Variants in PTGFR observed in about 807,000 individuals in gnomAD.
The protein encoded by PTGFR is prostaglandin F2-alpha receptor.
A neutral mutation model predicts 26.2 loss-of-function variants in PTGFR; 15 were observed. The ratio of observed to expected loss-of-function variants is 0.57; its 90% CI spans 0.38 to 0.88. The LOEUF (loss-of-function observed/expected upper bound fraction) is 0.88. PTGFR is among the 40% of genes least tolerant of loss of function. PTGFR has a pLI of 0.00. For missense variants in PTGFR, 369 were observed against 427.2 expected, an observed-to-expected ratio of 0.86 and a Z score of 1.20; for synonymous variants, 165 against 151.1, an observed-to-expected ratio of 1.09 and a Z score of -0.68.
rs1437572097 is a variant in PTGFR at position 78,540,555 on chromosome 1, A to G, written c.*3868A>G. On this transcript the variant is annotated 3_prime_UTR_variant, in exon 3 of 3. Coordinates refer to ENST00000370757, the MANE Select transcript of PTGFR (RefSeq NM_000959.4). Reference sequence around the variant, plus strand: ...ATAAATGAACTAAAAGAAATTTTAGATGACTAAAAGGACTATATAATAGAA... The same window carrying G: ...ATAAATGAACTAAAAGAAATTTTAGGTGACTAAAAGGACTATATAATAGAA... Among the ~76,000 whole-genome samples the G allele has an allele frequency of 6.6e-6, 1 of 152,168 alleles. No homozygotes were observed. Among genetic ancestry groups the G allele is most frequent in the African/African-American group, 2.4e-5 (1 of 41,464 alleles).
At chr1:78,506,222 T>C (rs762644173) in intron 2 of PTGFR, among the ~76,000 whole-genome samples, 5 of 152,014 alleles carry the variant, frequency 3.3e-5, no homozygotes, top group Non-Finnish European at 5.9e-5. Context: ...TTTATATTTA[T>C]ATTTTATTAT....
At chr1:78,514,998 G>C (rs59024670) in intron 2 of PTGFR, among the ~76,000 whole-genome samples, 2 of 152,004 alleles carry the variant, frequency 1.3e-5, no homozygotes, top group Non-Finnish European at 2.9e-5. Flanking sequence ...CCTGCAAAAC[G>C]GTGAGCCAAC....
intron 2 of PTGFR, among the ~76,000 whole-genome samples, chr1:78,519,704 T>C (rs766728448): frequency 4.5e-4 from 68 of 152,260 alleles, no homozygotes; most frequent in Non-Finnish European, 8.2e-4. Flanking sequence ...TGTGAACAAG[T>C]GCCCATGGCC....
In PTGFR at chr1:78,538,956, C is replaced by A. The variant is rs1264915907; in HGVS notation, c.*2269C>A. Reference sequence around the variant, plus strand: ...TTTCTCGGTAATTATATATTCTGGGCAAATAACATAAACATGTCAGGATTT... The same window carrying A: ...TTTCTCGGTAATTATATATTCTGGGAAAATAACATAAACATGTCAGGATTT... On this transcript the variant is annotated 3_prime_UTR_variant, in exon 3 of 3. Coordinates refer to ENST00000370757, the MANE Select transcript of PTGFR (RefSeq NM_000959.4). 1.3e-5 allele frequency: 2 copies of A among 151,746 alleles called. No individual in the cohort carries two copies. Among genetic ancestry groups the A allele is most frequent in the Non-Finnish European group, 2.9e-5 (2 of 67,908 alleles). The allele number at this position is 151,746 out of a possible 1,614,324, so 9.4% of individuals were successfully genotyped here.
At position 78,526,714 on chromosome 1, in the gene PTGFR, C is replaced by G. The variant is rs144967944; in HGVS notation, c.799-9692C>G. Among the ~76,000 whole-genome samples, 568 of 152,124 alleles carry G rather than the reference C, an allele frequency of 3.7e-3. 5 individuals are homozygous for G. The highest frequency in any genetic ancestry group is 0.012 in the African/African-American group (518 of 41,514). ...GAGCAATCCTTAGTCAGTGGCATGA[C>G]AAGGAAATACTCAAGACAGACACTG... On this transcript the variant is annotated intron_variant, in intron 2 of 2. Coordinates refer to ENST00000370757, the MANE Select transcript of PTGFR (RefSeq NM_000959.4).
chr1:78,508,187 T>A (rs1649871579), intron 2 of PTGFR, among the ~76,000 whole-genome samples: 1 of 152,216 alleles, frequency 6.6e-6, no homozygotes, highest in African/African-American at 2.4e-5. Flanking sequence ...ATGAAATGCT[T>A]ATTACAAATA....
chr1:78,523,414 T>C (rs1650293747), intron 2 of PTGFR, among the ~76,000 whole-genome samples: 1 of 152,028 alleles, frequency 6.6e-6, no homozygotes. Context: ...GAGTCACAGG[T>C]AGTCAGTATG....
chr1:78,498,294 G>A (rs1267732636), intron 2 of PTGFR, among the ~76,000 whole-genome samples: 1 of 152,124 alleles, frequency 6.6e-6, no homozygotes, highest in Non-Finnish European at 1.5e-5. Context: ...TGTGTCTTGA[G>A]CACTTGCCTC....
intron 2 of PTGFR, among the ~76,000 whole-genome samples, chr1:78,527,116 A>C (rs1650391947): frequency 6.6e-6 from 1 of 152,130 alleles, no homozygotes; most frequent in Non-Finnish European, 1.5e-5. Flanking sequence ...GGTAAGATGA[A>C]ATGCTTCTTA....
rs536571801 is a variant in PTGFR at position 78,516,327 on chromosome 1, C to T, written c.799-20079C>T. On this transcript the variant is annotated intron_variant, in intron 2 of 2. Transcript: ENST00000370757. ...TGAACAGTTGCACAACATTACTGGC[C>T]ATATATTATATTTGAAATTTTAGTT... Among the ~76,000 whole-genome samples, 24 of 152,180 alleles carry T rather than the reference C, an allele frequency of 1.6e-4. No homozygotes were observed. The East Asian group carries it at 4.4e-3, about 28-fold the overall frequency.
rs1650689938 is a variant in PTGFR, at chr1:78,537,628, T to C, written c.*941T>C. On this transcript the variant is annotated 3_prime_UTR_variant, in exon 3 of 3. Coordinates refer to ENST00000370757, the MANE Select transcript of PTGFR (RefSeq NM_000959.4). ...AAAGAAACAGAATCAATATATAAAA[T>C]TCAAAGACTATCTGCAGCTAGTGTG... is the stretch of plus-strand genomic sequence containing the variant. 1 of 152,144 alleles carries C rather than the reference T, an allele frequency of 6.6e-6. No homozygotes were observed. Among genetic ancestry groups the C allele is most frequent in the South Asian group, 2.1e-4 (1 of 4,834 alleles). The allele number at this position is 152,144 out of a possible 1,614,324, so 9.4% of individuals were successfully genotyped here.
intron 1 of PTGFR, among the ~76,000 whole-genome samples, chr1:78,491,577 G>C (rs954049514): frequency 2.0e-5 from 3 of 152,246 alleles, no homozygotes; most frequent in Non-Finnish European, 4.4e-5. Flanking sequence ...CCGGGATGAG[G>C]GAGAAAACAG....
chr1:78,502,212 T>C (rs1401507485), intron 2 of PTGFR, among the ~76,000 whole-genome samples: 1 of 152,092 alleles, frequency 6.6e-6, no homozygotes, highest in Non-Finnish European at 1.5e-5. Flanking sequence ...TAGATCAGAG[T>C]TGTGAGTGGT....
chr1:78,500,621 C>A (rs1649679393), intron 2 of PTGFR, among the ~76,000 whole-genome samples: 1 of 152,226 alleles, frequency 6.6e-6, no homozygotes, highest in Non-Finnish European at 1.5e-5. Flanking sequence ...TCCTTCTCCA[C>A]TTCACACACT....
chr1:78,496,018 T>A (rs980001532), intron 2 of PTGFR, among the ~76,000 whole-genome samples: 1 of 152,192 alleles, frequency 6.6e-6, no homozygotes, highest in Non-Finnish European at 1.5e-5. Flanking sequence ...CCACAGGTAT[T>A]ACTTTATGGG....
chr1:78,536,739 T>C lies in PTGFR; in HGVS notation c.*52T>C. The C allele has an allele frequency of 6.5e-7, 1 of 1,538,434 alleles. No homozygotes were observed. Among genetic ancestry groups the C allele is most frequent in the South Asian group, 1.3e-5 (1 of 79,354 alleles). On this transcript the variant is annotated 3_prime_UTR_variant, in exon 3 of 3. Transcript: ENST00000370757. ...GGCTAGAACAAAATTAAGACATGTT[T>C]GGCAATATTTCAGTTAGTTAAATAC...
In PTGFR at chr1:78,500,034, T is replaced by C. The variant is rs141668941; in HGVS notation, c.798+6493T>C. Among the ~76,000 whole-genome samples, 444 of 152,138 alleles carry C rather than the reference T, an allele frequency of 2.9e-3. 1 individual carries two copies. The highest frequency in any genetic ancestry group is 6.7e-3 in the Admixed American group (102 of 15,282). On this transcript the variant is annotated intron_variant, in intron 2 of 2. Transcript: ENST00000370757. ...CAGTCTTTAACACTGATGTTTTCTC[T>C]ACAGCCACACATTTTTTTCATAATG...
intron 2 of PTGFR, among the ~76,000 whole-genome samples, chr1:78,521,889 T>A (rs1369902695): frequency 6.6e-6 from 1 of 152,098 alleles, no homozygotes; most frequent in Non-Finnish European, 1.5e-5. Flanking sequence ...AGTTTTCTAT[T>A]GCTGCATAAC....
At position 78,492,931 on chromosome 1, in the gene PTGFR, A is replaced by C. The variant is rs780518059; in HGVS notation, c.188A>C (p.Lys63Thr). The change falls in exon 2 of 3, where the codon AAG (lysine) becomes ACG (threonine). Residue 63 changes from lysine (K) to threonine (T), a missense_variant. By Grantham distance (78) the Lys-to-Thr change is moderately conservative. Coordinates refer to ENST00000370757, the MANE Select transcript of PTGFR (RefSeq NM_000959.4). ...TATCAGAGATTTAGACAGAAGTCCA[A>C]GGCATCGTTTCTGCTTTTGGCCAGT... ...KAYQRFRQKS[K>T]ASFLLLASGL... 6.2e-7 allele frequency: 1 copy of C among 1,614,256 alleles called. No individual in the cohort carries two copies. Among genetic ancestry groups the C allele is most frequent in the Non-Finnish European group, 8.5e-7 (1 of 1,180,046 alleles).
Sources: gnomAD v4.1 joint callset for allele counts (sites outside exome capture counted in the v4.1 genomes callset) on GRCh38, gnomAD v4.1.1 for gene constraint, MANE v1.5 for transcripts, NCBI Gene and HGNC (gene_info 2026-07-23, HGNC 2026-07-21) for gene names.